Variants in PABPC4L observed in about 807,000 individuals in gnomAD.
PABPC4L encodes poly(A) binding protein cytoplasmic 4 like, also known as polyadenylate-binding protein 4-like.
For synonymous variants in PABPC4L, 169 were observed against 164.1 expected (o/e 1.03, Z -0.23); for missense variants, 452 against 451.4 (o/e 1.00, Z -0.01).
the PABPC4L span, among the ~76,000 whole-genome samples, chr4:134,012,659 G>A: frequency 1.3e-5 from 2 of 152,088 alleles, no homozygotes; most frequent in Non-Finnish European, 2.9e-5. Context: ...ACCTCCCTTG[G>A]GAGATCAATC....
the PABPC4L span, among the ~76,000 whole-genome samples, chr4:134,076,918 G>A: frequency 6.6e-6 from 1 of 152,202 alleles, no homozygotes; most frequent in South Asian, 2.1e-4. Context: ...TAATTAAAGA[G>A]ATTGCCTGTC....
the PABPC4L span, among the ~76,000 whole-genome samples, chr4:134,080,904 T>C: frequency 6.6e-6 from 1 of 152,144 alleles, no homozygotes. Context: ...GTGTATCATA[T>C]TGACCATGTA....
At chr4:134,016,367 T>C in the PABPC4L span, among the ~76,000 whole-genome samples, 2 of 152,162 alleles carry the variant, frequency 1.3e-5, no homozygotes, top group East Asian at 1.9e-4. Context: ...CTATCAGTAA[T>C]GCCTCTTTAA....
chr4:134,067,970 G>A, the PABPC4L span, among the ~76,000 whole-genome samples: 1 of 152,078 alleles, frequency 6.6e-6, no homozygotes. Flanking sequence ...TAGAGAAAGT[G>A]CAGATAATAA....
chr4:134,086,798 T>C, the PABPC4L span, among the ~76,000 whole-genome samples: 1 of 149,748 alleles, frequency 6.7e-6, no homozygotes, highest in Non-Finnish European at 1.5e-5. Context: ...GTTTTATTTG[T>C]TTTTTTTTCT....
At chr4:134,140,469 T>G in the PABPC4L span, among the ~76,000 whole-genome samples, 2 of 151,886 alleles carry the variant, frequency 1.3e-5, no homozygotes, top group East Asian at 1.9e-4. Context: ...CAATTTTATA[T>G]GACATGCCTT....
the PABPC4L span, among the ~76,000 whole-genome samples, chr4:133,970,571 A>C: frequency 6.6e-6 from 1 of 152,200 alleles, no homozygotes; most frequent in Non-Finnish European, 1.5e-5. Context: ...TTCATCAAGC[A>C]TATCTGCGTG....
the PABPC4L span, among the ~76,000 whole-genome samples, chr4:134,092,389 C>A: frequency 6.6e-6 from 1 of 151,966 alleles, no homozygotes; most frequent in Admixed American, 6.6e-5. Flanking sequence ...CACTCCATCC[C>A]CTTTCAAGCT....
chr4:134,187,813 G>A, the PABPC4L span, among the ~76,000 whole-genome samples: 2 of 151,804 alleles, frequency 1.3e-5, no homozygotes, highest in East Asian at 3.9e-4. Context: ...AATTTACTGT[G>A]ACTTTATATT....
the PABPC4L span, among the ~76,000 whole-genome samples, chr4:134,136,596 T>C: frequency 2.0e-5 from 3 of 152,102 alleles, no homozygotes; most frequent in Admixed American, 6.6e-5. Flanking sequence ...TCTTTTTAGA[T>C]ATTTATGTGC....
chr4:134,096,318 T>C, the PABPC4L span, among the ~76,000 whole-genome samples: 3 of 151,976 alleles, frequency 2.0e-5, no homozygotes, highest in Non-Finnish European at 4.4e-5. Context: ...ACAGGTTTTA[T>C]ATGGAAGTAT....
At chr4:133,976,473 C>A in the PABPC4L span, among the ~76,000 whole-genome samples, 1 of 152,038 alleles carries the variant, frequency 6.6e-6, no homozygotes, top group African/African-American at 2.4e-5. Flanking sequence ...TCGGTTTATA[C>A]CCAGTAAGGG....
the PABPC4L span, among the ~76,000 whole-genome samples, chr4:133,988,148 T>C: frequency 2.0e-4 from 30 of 152,158 alleles, no homozygotes; most frequent in Non-Finnish European, 8.8e-5. Flanking sequence ...CAAGATGATA[T>C]TCGGGTGGAG....
the PABPC4L span, among the ~76,000 whole-genome samples, chr4:133,958,549 C>A: frequency 8.5e-5 from 13 of 152,270 alleles, no homozygotes; most frequent in Admixed American, 7.2e-4. Flanking sequence ...CATATTAATC[C>A]ATTTTCATGC....
At chr4:134,109,769 A>G in the PABPC4L span, among the ~76,000 whole-genome samples, 105,159 of 150,776 alleles carry the variant, frequency 0.7, 38,012 homozygotes, top group East Asian at 1. Context: ...TTTTTGAGAC[A>G]TCGTCTTGCT....
At chr4:134,101,304 A>T in the PABPC4L span, among the ~76,000 whole-genome samples, 1 of 151,606 alleles carries the variant, frequency 6.6e-6, no homozygotes, top group African/African-American at 2.4e-5. Flanking sequence ...ATTAAAGTAA[A>T]CTTTAATAAT....
chr4:134,191,614 A>C (rs1165358383), downstream of PABPC4L, among the ~76,000 whole-genome samples: 1 of 152,162 alleles, frequency 6.6e-6, no homozygotes. Flanking sequence ...AGAAGAAATC[A>C]AAAGGGAAAT....
the PABPC4L span, among the ~76,000 whole-genome samples, chr4:134,129,347 T>C: frequency 6.6e-6 from 1 of 152,026 alleles, no homozygotes; most frequent in Non-Finnish European, 1.5e-5. Context: ...TTACAGAACA[T>C]TCTACCCAAC....
At chr4:134,150,689 C>T in the PABPC4L span, among the ~76,000 whole-genome samples, 2 of 152,110 alleles carry the variant, frequency 1.3e-5, no homozygotes. Context: ...TTTCCACGTT[C>T]CAATCCAAGA....
Sources: gnomAD v4.1 joint callset for allele counts (sites outside exome capture counted in the v4.1 genomes callset) on GRCh38, gnomAD v4.1.1 for gene constraint, MANE v1.5 for transcripts, NCBI Gene and HGNC (gene_info 2026-07-23, HGNC 2026-07-21) for gene names.